ERGIC1: variants seen among roughly 807,000 people sequenced by gnomAD.
ERGIC1 encodes endoplasmic reticulum-Golgi intermediate compartment protein 1.
Under a neutral mutation model 38.3 loss-of-function variants are expected in ERGIC1, and 19 were observed. The ratio of observed to expected loss-of-function variants is 0.50; its 90% CI spans 0.35 to 0.73. ERGIC1 has a LOEUF of 0.73. ERGIC1 is among the 30% of genes least tolerant of loss of function. The pLI is 0.01. For missense variants in ERGIC1, 294 were observed against 389.2 expected, an observed-to-expected ratio of 0.76 and a Z score of 2.06; for synonymous variants, 124 against 157.6, an observed-to-expected ratio of 0.79 and a Z score of 1.60.
chr5:172,873,376 A>G (rs964966768), intron 1 of ERGIC1, among the ~76,000 whole-genome samples: 1 of 152,202 alleles, frequency 6.6e-6, no homozygotes, highest in Non-Finnish European at 1.5e-5. Context: ...CTTCCTGTGC[A>G]AGCCTGAGCT....
intron 5 of ERGIC1, among the ~76,000 whole-genome samples, chr5:172,918,587 A>G (rs1763432681): frequency 6.6e-6 from 1 of 152,270 alleles, no homozygotes. Context: ...GGCTGGCGCT[A>G]CCAGGCTCAG....
At chr5:172,898,291 A>G (rs1438383118) in intron 3 of ERGIC1, 1 of 156,542 alleles carries the variant, frequency 6.4e-6, no homozygotes, top group Non-Finnish European at 1.4e-5. Context: ...AAACAGCCTC[A>G]GGAGGGAGCT....
intron 1 of ERGIC1, among the ~76,000 whole-genome samples, chr5:172,871,224 G>C (rs1006137533): frequency 6.6e-5 from 10 of 152,212 alleles, no homozygotes; most frequent in Non-Finnish European, 1.0e-4. Context: ...AGGGATGCGT[G>C]AGCTGAGTTT....
intron 1 of ERGIC1, among the ~76,000 whole-genome samples, chr5:172,853,743 T>C (rs192070009): frequency 1.2e-4 from 18 of 152,364 alleles, no homozygotes; most frequent in African/African-American, 4.1e-4. Context: ...GGGAGTGTGC[T>C]CTGGCCCTGC....
rs1375950085 is a variant in ERGIC1, at chr5:172,834,383, C to T, written c.-31C>T. Reference sequence around the variant, plus strand: ...CACGCGGCGCCGCGGCCCGCCTGGCCTGCAGCGCTCCCACCCCCGGCGGCG... The same window carrying T: ...CACGCGGCGCCGCGGCCCGCCTGGCTTGCAGCGCTCCCACCCCCGGCGGCG... On this transcript the variant is annotated 5_prime_UTR_variant, in exon 1 of 10. Coordinates refer to ENST00000393784, the MANE Select transcript of ERGIC1 (RefSeq NM_001031711.3). The surrounding 1 kb of genome is among the most constrained non-coding windows in gnomAD (Gnocchi z 4.1). The T allele has an allele frequency of 1.5e-6, 2 of 1,310,594 alleles. No individual in the cohort carries two copies. The highest frequency in any genetic ancestry group is 2.2e-5 in the South Asian group (1 of 46,090). The allele number at this position is 1,310,594 out of a possible 1,614,324, so 81.2% of individuals were successfully genotyped here.
intron 1 of ERGIC1, among the ~76,000 whole-genome samples, chr5:172,845,558 A>G (rs565454409): frequency 4.6e-5 from 7 of 152,224 alleles, no homozygotes; most frequent in Non-Finnish European, 8.8e-5. Flanking sequence ...AGCTGGGGAC[A>G]TAGTGCTGAG....
At chr5:172,935,352 C>T (rs1474532604) in intron 9 of ERGIC1, 42 bp downstream of exon 9, 1 of 1,612,240 alleles carries the variant, frequency 6.2e-7, no homozygotes, top group African/African-American at 1.3e-5. Context: ...GAGCCAGCCA[C>T]CCTGCGCCTG....
intron 1 of ERGIC1, among the ~76,000 whole-genome samples, chr5:172,859,507 A>C (rs1761643411): frequency 6.6e-6 from 1 of 152,170 alleles, no homozygotes; most frequent in African/African-American, 2.4e-5. Flanking sequence ...AATGTCCTGA[A>C]GGTCACAGTG....
intron 1 of ERGIC1, among the ~76,000 whole-genome samples, chr5:172,863,173 A>T (rs1034544581): frequency 2.0e-5 from 3 of 151,826 alleles, no homozygotes; most frequent in African/African-American, 7.3e-5. Flanking sequence ...CTGCTGTCGA[A>T]CTCCTGACCT....
At chr5:172,900,353 C>T (rs915893794) in intron 3 of ERGIC1, among the ~76,000 whole-genome samples, 4 of 152,136 alleles carry the variant, frequency 2.6e-5, no homozygotes, top group African/African-American at 9.7e-5. Context: ...TCTCTCCCAG[C>T]GGCATCCCGG....
At chr5:172,875,202 AAG>A (rs1437502033) in intron 1 of ERGIC1, among the ~76,000 whole-genome samples, 3 of 152,170 alleles carry the variant, frequency 2.0e-5, no homozygotes, top group Non-Finnish European at 4.4e-5. Flanking sequence ...AGGTTTAAAT[AAG>A]AGTTTTTTTG....
At chr5:172,881,082 C>T (rs1040710194) in intron 1 of ERGIC1, among the ~76,000 whole-genome samples, 2 of 152,104 alleles carry the variant, frequency 1.3e-5, no homozygotes, top group African/African-American at 4.8e-5. Flanking sequence ...AACCTCATCT[C>T]TATAAAAATA....
intron 3 of ERGIC1, among the ~76,000 whole-genome samples, chr5:172,908,328 AGGGGG>A (rs1561729713): frequency 4.2e-3 from 1 of 236 alleles, no homozygotes; most frequent in Non-Finnish European, 7.7e-3. Flanking sequence ...GAGAGAGGGG[AGGGGG>A]GGAGGGGGGA....
chr5:172,853,000 T>C (rs1396839461), intron 1 of ERGIC1, among the ~76,000 whole-genome samples: 1 of 152,190 alleles, frequency 6.6e-6, no homozygotes, highest in East Asian at 1.9e-4. Flanking sequence ...AGAGAGGGCA[T>C]GTGGGTTTGG....
At chr5:172,912,191 C>T (rs1000883254) in intron 4 of ERGIC1, among the ~76,000 whole-genome samples, 11 of 151,922 alleles carry the variant, frequency 7.2e-5, no homozygotes, top group South Asian at 6.2e-4. Context: ...CCCTGTCCTG[C>T]GTCCTTTGGC....
chr5:172,916,099 C>G (rs1763358733), intron 5 of ERGIC1: 1 of 153,904 alleles, frequency 6.5e-6, no homozygotes, highest in African/African-American at 2.4e-5. Flanking sequence ...TCCCTTCCCA[C>G]AGTCCCTGGC....
chr5:172,846,729 T>G lies in ERGIC1; in HGVS notation c.20+12296T>G, dbSNP rs1761289587. Among the ~76,000 whole-genome samples, 1 of 152,018 alleles carries G rather than the reference T, an allele frequency of 6.6e-6. No individual in the cohort carries two copies. The highest frequency in any genetic ancestry group is 1.5e-5 in the Non-Finnish European group (1 of 68,000). ...GGTGAGCATGAGACTTGACCCAGAG[T>G]CTTTTAAGTCCCTTACAGTAGACAG... On this transcript the variant is annotated intron_variant, in intron 1 of 9. Transcript: ENST00000393784. The surrounding 1 kb of genome is among the most constrained non-coding windows in gnomAD (Gnocchi z 4.0).
At chr5:172,896,064 C>T (rs909370964) in intron 2 of ERGIC1, among the ~76,000 whole-genome samples, 5 of 152,108 alleles carry the variant, frequency 3.3e-5, no homozygotes, top group Admixed American at 2.6e-4. Context: ...TTGGACCGGC[C>T]GGGTGTAGTG....
chr5:172,938,452 A>G (rs1271968222), intron 9 of ERGIC1, among the ~76,000 whole-genome samples: 2 of 152,210 alleles, frequency 1.3e-5, no homozygotes, highest in South Asian at 2.1e-4. Context: ...GACTCTGGGC[A>G]TTACAATCAT....
Sources: allele counts gnomAD v4.1 joint callset (sites outside exome capture counted in the v4.1 genomes callset), GRCh38; gene constraint gnomAD v4.1.1; non-coding constraint Gnocchi (gnomAD v3.1); transcripts MANE v1.5; gene names NCBI Gene and HGNC (gene_info 2026-07-23, HGNC 2026-07-21).